Variants in RASGRP3 observed in about 807,000 individuals in gnomAD.
The protein encoded by RASGRP3 is RAS guanyl releasing protein 3.
In RASGRP3, 54 loss-of-function variants were observed where a neutral mutation model predicts 82.7. The ratio of observed to expected loss-of-function variants is 0.65; its 90% CI spans 0.52 to 0.82. RASGRP3 has a LOEUF of 0.82. Among genes scored for constraint, RASGRP3 ranks in the 40% least tolerant of loss-of-function variants. The pLI, the probability that RASGRP3 is intolerant of heterozygous loss-of-function variation, is 0.00. For synonymous variants in RASGRP3, 309 were observed against 300.5 expected, an observed-to-expected ratio of 1.03 and a Z score of -0.29; for missense variants, 861 against 828.9, an observed-to-expected ratio of 1.04 and a Z score of -0.48.
At chr2:33,467,022 G>C (rs1328226127) in intron 2 of RASGRP3, among the ~76,000 whole-genome samples, 1 of 151,904 alleles carries the variant, frequency 6.6e-6, no homozygotes, top group African/African-American at 2.4e-5. Context: ...GATTAAATGA[G>C]TGTTTTGCAC....
intron 2 of RASGRP3, among the ~76,000 whole-genome samples, chr2:33,470,653 A>G (rs1667004219): frequency 1.3e-5 from 2 of 152,136 alleles, no homozygotes; most frequent in African/African-American, 2.4e-5. Flanking sequence ...TGCTGGGATT[A>G]TGGGTGTGAG....
intron 14 of RASGRP3, among the ~76,000 whole-genome samples, chr2:33,554,521 G>A (rs1052745058): frequency 6.6e-6 from 1 of 151,804 alleles, no homozygotes; most frequent in African/African-American, 2.4e-5. Context: ...TGCCCAGGCT[G>A]GAGTGCAGTG....
intron 1 of RASGRP3, among the ~76,000 whole-genome samples, chr2:33,510,094 A>C (rs1229663761): frequency 6.6e-6 from 1 of 152,252 alleles, no homozygotes; most frequent in African/African-American, 2.4e-5. Flanking sequence ...AGGATTAGTC[A>C]TTTAGAGAAA....
chr2:33,534,335 C>G lies in RASGRP3; in HGVS notation c.1096C>G (p.Leu366Val). 1 of 1,569,822 alleles carries G rather than the reference C, an allele frequency of 6.4e-7. No individual in the cohort carries two copies. Among genetic ancestry groups the G allele is most frequent in the Non-Finnish European group, 8.8e-7 (1 of 1,140,860 alleles). ...LINLLTLSLD[L>V]YHTEDDIYKL... ...AATTTTGTTGTAGCTTTCCCTGGAC[C>G]TCTATCACACTGAAGATGATATTTA... is the stretch of plus-strand genomic sequence containing the variant. Residue 366 changes from leucine (L) to valine (V), a missense_variant, in exon 11 of 18, where the codon CTC (leucine) becomes GTC (valine). Coordinates refer to ENST00000403687, the MANE Select transcript of RASGRP3 (RefSeq NM_001139488.2).
At chr2:33,488,616 A>G (rs187286555) in intron 1 of RASGRP3, among the ~76,000 whole-genome samples, 3 of 152,354 alleles carry the variant, frequency 2.0e-5, no homozygotes, top group Admixed American at 2.0e-4. Flanking sequence ...GCTGATGACA[A>G]AAAGCAAAAA....
intron 1 of RASGRP3, among the ~76,000 whole-genome samples, chr2:33,502,637 C>G (rs2150983284): frequency 6.6e-6 from 1 of 152,018 alleles, no homozygotes; most frequent in Middle Eastern, 3.4e-3. Flanking sequence ...CTCAGCCTCC[C>G]AAGTAGCTGA....
intron 1 of RASGRP3, among the ~76,000 whole-genome samples, chr2:33,438,851 T>A (rs1665067298): frequency 6.6e-6 from 1 of 152,206 alleles, no homozygotes; most frequent in Non-Finnish European, 1.5e-5. Flanking sequence ...CACATTTAAA[T>A]ACAAGTAAAA....
chr2:33,534,420 C>T lies in RASGRP3; in HGVS notation c.1161+20C>T. On this transcript the variant is annotated intron_variant, in intron 11 of 17. Coordinates refer to ENST00000403687, the MANE Select transcript of RASGRP3 (RefSeq NM_001139488.2). ...AAATCGGTAGGTATTATTTTCTCTC[C>T]AAGGATCAGTACCAATCACTATTTT... 6.8e-7 allele frequency: 1 copy of T among 1,481,036 alleles called. No individual in the cohort carries two copies. Among genetic ancestry groups the T allele is most frequent in the Non-Finnish European group, 9.3e-7 (1 of 1,069,906 alleles). 91.7% of individuals were successfully genotyped at this position (1,481,036 alleles called of 1,614,324 possible).
intron 1 of RASGRP3, among the ~76,000 whole-genome samples, chr2:33,484,126 A>G (rs1218948974): frequency 6.6e-6 from 1 of 152,204 alleles, no homozygotes; most frequent in African/African-American, 2.4e-5. Flanking sequence ...TTTTACCTAA[A>G]TTAACTTTGG....
In RASGRP3 at chr2:33,486,120, C is replaced by T. The variant is rs62147154; in HGVS notation, c.-261+9413C>T. On this transcript the variant is annotated intron_variant, in intron 1 of 17. Transcript: ENST00000403687. ...GAACATATTTTCATACAAGATGATT[C>T]ACTTGGTATTTCTTTTCTTTTCTTT... Among the ~76,000 whole-genome samples the T allele has an allele frequency of 4.5e-3, 679 of 151,798 alleles. 3 individuals carry two copies. The highest frequency in any genetic ancestry group is 7.2e-3 in the Non-Finnish European group (490 of 67,926).
chr2:33,533,244 C>G (rs1233512082), intron 10 of RASGRP3: 1 of 152,094 alleles, frequency 6.6e-6, no homozygotes, highest in Non-Finnish European at 1.5e-5. Context: ...CAGAGTTTAT[C>G]CATGTTCTCC....
intron 1 of RASGRP3, among the ~76,000 whole-genome samples, chr2:33,486,170 T>C (rs866559279): frequency 6.6e-6 from 1 of 151,248 alleles, no homozygotes; most frequent in Non-Finnish European, 1.5e-5. Flanking sequence ...ATTTATTTTT[T>C]TTTTTTTTGA....
At chr2:33,463,287 G>A (rs1212858253) in intron 2 of RASGRP3, among the ~76,000 whole-genome samples, 1 of 152,174 alleles carries the variant, frequency 6.6e-6, no homozygotes, top group Non-Finnish European at 1.5e-5. Flanking sequence ...GATGGACAGA[G>A]AATGTTAAGA....
chr2:33,511,321 T>A lies in RASGRP3; in HGVS notation c.-260-389T>A, dbSNP rs17013184. 9.6e-3 allele frequency among the ~76,000 whole-genome samples: 1,458 copies of A among 152,314 alleles called. 26 individuals carry two copies. Among genetic ancestry groups the A allele is most frequent in the African/African-American group, 0.033 (1,387 of 41,562 alleles). The stretch of plus-strand genomic sequence containing the variant: ...CATGTTGAGACAATCAGTAGTGATT[T>A]AGGGTCAGAGTTTAGTGATCATGAC... On this transcript the variant is annotated intron_variant, in intron 1 of 17. Transcript: ENST00000403687.
At chr2:33,551,407 G>A (rs2151096797) in intron 14 of RASGRP3, among the ~76,000 whole-genome samples, 2 of 152,324 alleles carry the variant, frequency 1.3e-5, no homozygotes, top group South Asian at 4.1e-4. Flanking sequence ...GTGGGATGGG[G>A]CCGTGCATAA....
At chr2:33,545,863 G>A (rs1674684192) in intron 13 of RASGRP3, among the ~76,000 whole-genome samples, 1 of 152,080 alleles carries the variant, frequency 6.6e-6, no homozygotes, top group African/African-American at 2.4e-5. Flanking sequence ...GGAGTGCACT[G>A]GCACAATCTC....
At chr2:33,439,407 A>T (rs189153842) in intron 1 of RASGRP3, among the ~76,000 whole-genome samples, 2 of 152,116 alleles carry the variant, frequency 1.3e-5, no homozygotes, top group Non-Finnish European at 2.9e-5. Context: ...GACATCTATG[A>T]TAAGAATGGA....
At chr2:33,559,090 G>A in intron 17 of RASGRP3, 60 bp downstream of exon 17, 4 of 1,372,222 alleles carry the variant, frequency 2.9e-6, no homozygotes, top group Non-Finnish European at 3.9e-6. Context: ...GTGCTGAGAT[G>A]AGCGTTACAG....
chr2:33,503,490 C>G (rs1340795655), intron 1 of RASGRP3, among the ~76,000 whole-genome samples: 1 of 152,112 alleles, frequency 6.6e-6, no homozygotes, highest in Admixed American at 6.5e-5. Flanking sequence ...GGAAAAACAT[C>G]TGAAACAAAA....
Sources: gnomAD v4.1 joint callset for allele counts (sites outside exome capture counted in the v4.1 genomes callset) on GRCh38, gnomAD v4.1.1 for gene constraint, MANE v1.5 for transcripts, NCBI Gene and HGNC (gene_info 2026-07-23, HGNC 2026-07-21) for gene names.